RHBDL2: variants seen among roughly 807,000 people sequenced by gnomAD.
The protein encoded by RHBDL2 is rhomboid-related protein 2.
Under a neutral mutation model 31.7 loss-of-function variants are expected in RHBDL2, and 26 were observed. The ratio of observed to expected loss-of-function variants is 0.82; its 90% CI spans 0.60 to 1.14. The LOEUF (loss-of-function observed/expected upper bound fraction) is 1.14, where lower values mean the gene tolerates loss of function less well. Ranked by LOEUF, RHBDL2 falls within the 50% of genes most tolerant of loss-of-function variation. The probability of loss-of-function intolerance (pLI) is 0.00; values close to 1 mark genes in which losing one functional copy is unlikely to be tolerated. For synonymous variants in RHBDL2, 123 were observed against 127.2 expected (o/e 0.97, Z 0.22); for missense variants, 336 against 364.4 (o/e 0.92, Z 0.63).
chr1:38,911,286 A>T, intron 4 of RHBDL2, 36 bp downstream of exon 4: 9 of 1,363,276 alleles, frequency 6.6e-6, no homozygotes, highest in Non-Finnish European at 9.4e-6. Flanking sequence ...CTAAGAGCCC[A>T]GAGGTATTGA....
At chr1:38,920,230 C>CACCACTG (rs1643294005) in intron 1 of RHBDL2, among the ~76,000 whole-genome samples, 1 of 125,776 alleles carries the variant, frequency 8.0e-6, no homozygotes, top group Non-Finnish European at 1.6e-5. Context: ...TCCAGTGGTG[C>CACCACTG]GATCTCGGCT....
rs760860747 is a variant in RHBDL2 at position 38,915,686 on chromosome 1, C to G, written c.271G>C (p.Val91Leu). ...AELAVFIYYAVWKPQKQWITL... is the reference protein window; with the variant it reads ...AELAVFIYYALWKPQKQWITL... ...ATCCACTGTTTCTGAGGCTTCCACA[C>G]AGCATAGTAAATAAACACTGCCAGC... Residue 91 changes from valine (V) to leucine (L), a missense_variant, in exon 3 of 8, where the codon GTG becomes CTG. Val to Leu is a conservative substitution (Grantham distance 32, BLOSUM62 1). Transcript: ENST00000372990. 1.2e-6 allele frequency: 2 copies of G among 1,614,144 alleles called. No homozygotes were observed. Among genetic ancestry groups the G allele is most frequent in the South Asian group, 1.1e-5 (1 of 91,084 alleles).
At chr1:38,927,293 G>A (rs1011565175) in intron 1 of RHBDL2, among the ~76,000 whole-genome samples, 2 of 152,120 alleles carry the variant, frequency 1.3e-5, no homozygotes, top group African/African-American at 2.4e-5. Flanking sequence ...CGGGCGTGGT[G>A]GCGGGCGCCT....
chr1:38,895,188 A>C (rs1370027797), intron 5 of RHBDL2, among the ~76,000 whole-genome samples: 1 of 152,184 alleles, frequency 6.6e-6, no homozygotes, highest in Non-Finnish European at 1.5e-5. Context: ...TCTATGATAA[A>C]ATGCAGAACA....
chr1:38,905,084 C>T (rs1261856326), intron 4 of RHBDL2, among the ~76,000 whole-genome samples: 1 of 150,240 alleles, frequency 6.7e-6, no homozygotes, highest in Non-Finnish European at 1.5e-5. Flanking sequence ...ATAACGTCTC[C>T]TCTCCAAAAG....
intron 1 of RHBDL2, among the ~76,000 whole-genome samples, chr1:38,933,126 T>A (rs1457300365): frequency 1.3e-5 from 2 of 152,178 alleles, no homozygotes; most frequent in African/African-American, 4.8e-5. Flanking sequence ...TCCTACCTTC[T>A]TTGTGGAATT....
At chr1:38,930,655 T>A (rs998731273) in intron 1 of RHBDL2, among the ~76,000 whole-genome samples, 17 of 152,178 alleles carry the variant, frequency 1.1e-4, no homozygotes, top group African/African-American at 4.1e-4. Flanking sequence ...ACAGACACAC[T>A]ATTTACATGA....
intron 5 of RHBDL2, among the ~76,000 whole-genome samples, chr1:38,893,690 C>T (rs1165154156): frequency 1.3e-5 from 2 of 148,454 alleles, no homozygotes; most frequent in South Asian, 2.1e-4. Context: ...TGAAAATATT[C>T]GTCAAAAATT....
At chr1:38,905,050 A>ATAAAAT (rs1643045623) in intron 4 of RHBDL2, among the ~76,000 whole-genome samples, 1 of 150,892 alleles carries the variant, frequency 6.6e-6, no homozygotes, top group Non-Finnish European at 1.5e-5. Flanking sequence ...AAAAATAAAA[A>ATAAAAT]TAAAAATTAT....
In RHBDL2 at chr1:38,918,997, GGGA is replaced by G. The variant is rs750311662; in HGVS notation, c.213_215del (p.Pro72del). 6.2e-7 allele frequency: 1 copy of G among 1,613,862 alleles called. No homozygotes were observed. The highest frequency in any genetic ancestry group is 1.3e-5 in the African/African-American group (1 of 74,916). On this transcript the variant is annotated inframe_deletion, in exon 2 of 8. Transcript: ENST00000372990. ...CCAGGCTGATGGAGATGATGAACAC[GGGA>G]GGCGGGAAGCAGTTAGCTCTCTCCA...
intron 4 of RHBDL2, among the ~76,000 whole-genome samples, chr1:38,906,446 G>T (rs929299836): frequency 6.6e-6 from 1 of 151,720 alleles, no homozygotes; most frequent in African/African-American, 2.4e-5. Flanking sequence ...AGGCCAAGGC[G>T]GGCAGATCAT....
chr1:38,888,539 TC>T (rs1440467404), intron 6 of RHBDL2, among the ~76,000 whole-genome samples: 1 of 151,966 alleles, frequency 6.6e-6, no homozygotes, highest in Non-Finnish European at 1.5e-5. Context: ...GAGGTAAGGG[TC>T]CAAGTCATGC....
chr1:38,915,698 T>G lies in RHBDL2; in HGVS notation c.259A>C (p.Ile87Leu), dbSNP rs1451221973. ...SISLAELAVF[I>L]YYAVWKPQKQ... ...TGAGGCTTCCACACAGCATAGTAAA[T>G]AAACACTGCCAGCTGATGGAGGGAG... is the stretch of plus-strand genomic sequence containing the variant. Residue 87 changes from isoleucine to leucine, a missense_variant, in exon 3 of 8, where the codon ATT becomes CTT. Physicochemically the swap from Ile to Leu is conservative, Grantham distance 5 (BLOSUM62 2). Coordinates refer to ENST00000372990, the MANE Select transcript of RHBDL2 (RefSeq NM_017821.5). The G allele has an allele frequency of 6.2e-7, 1 of 1,613,916 alleles. No homozygotes were observed. The highest frequency in any genetic ancestry group is 1.3e-5 in the African/African-American group (1 of 74,878).
At chr1:38,886,773 C>T (rs912781085) in intron 7 of RHBDL2, 90 bp from the exon 8 acceptor site, 24 of 1,071,180 alleles carry the variant, frequency 2.2e-5, no homozygotes, top group Middle Eastern at 4.3e-4. Flanking sequence ...ACACAAATAC[C>T]GTCACAGTTA....
intron 7 of RHBDL2, among the ~76,000 whole-genome samples, chr1:38,887,571 A>C (rs1236109459): frequency 6.6e-6 from 1 of 152,014 alleles, no homozygotes; most frequent in Non-Finnish European, 1.5e-5. Context: ...ATTACAGGTG[A>C]CTGCCACCAC....
intron 4 of RHBDL2, among the ~76,000 whole-genome samples, chr1:38,899,023 A>G (rs1028255424): frequency 6.6e-6 from 1 of 152,142 alleles, no homozygotes; most frequent in Admixed American, 6.6e-5. Context: ...CCAGTTACTC[A>G]CTTCCCTTGA....
At chr1:38,933,193 T>C (rs994669081) in intron 1 of RHBDL2, among the ~76,000 whole-genome samples, 1 of 152,150 alleles carries the variant, frequency 6.6e-6, no homozygotes, top group Non-Finnish European at 1.5e-5. Flanking sequence ...GACGTCTTTC[T>C]GTTCCTGGAA....
At chr1:38,924,706 G>A (rs1643354226) in intron 1 of RHBDL2, among the ~76,000 whole-genome samples, 1 of 151,690 alleles carries the variant, frequency 6.6e-6, no homozygotes. Context: ...GACTTGAAAG[G>A]GCAGGACTGT....
At chr1:38,934,723 C>T (rs1231156563) in intron 1 of RHBDL2, among the ~76,000 whole-genome samples, 5 of 149,966 alleles carry the variant, frequency 3.3e-5, no homozygotes, top group African/African-American at 9.8e-5. Flanking sequence ...TTTGGGGGGC[C>T]GAGGCGGGCA....
Sources: gnomAD v4.1 joint callset for allele counts (sites outside exome capture counted in the v4.1 genomes callset) on GRCh38, gnomAD v4.1.1 for gene constraint, MANE v1.5 for transcripts, NCBI Gene and HGNC (gene_info 2026-07-23, HGNC 2026-07-21) for gene names.